Variants in ARHGAP24 observed in about 807,000 individuals in gnomAD.
The protein encoded by ARHGAP24 is rho GTPase-activating protein 24.
A neutral mutation model predicts 76.4 loss-of-function variants in ARHGAP24; 50 were observed. That is an observed-to-expected ratio of 0.65 (90% CI 0.52 to 0.83). The LOEUF is 0.83. Among genes scored for constraint, ARHGAP24 ranks in the 40% least tolerant of loss-of-function variants. ARHGAP24 has a pLI of 0.00. For missense variants in ARHGAP24, 930 were observed against 914.2 expected, an observed-to-expected ratio of 1.02 and a Z score of -0.22; for synonymous variants, 345 against 323.3, an observed-to-expected ratio of 1.07 and a Z score of -0.72.
intron 1 of ARHGAP24, among the ~76,000 whole-genome samples, chr4:85,516,990 T>C (rs1238652025): frequency 1.3e-5 from 2 of 152,210 alleles, no homozygotes; most frequent in South Asian, 4.1e-4. Context: ...TTTTTCCTAA[T>C]AGCTTTCCAG....
At chr4:85,693,589 G>A (rs1723753324) in intron 2 of ARHGAP24, among the ~76,000 whole-genome samples, 1 of 152,192 alleles carries the variant, frequency 6.6e-6, no homozygotes, top group South Asian at 2.1e-4. Context: ...TGTGCTGGGA[G>A]GTCCAAAGTG....
intron 2 of ARHGAP24, among the ~76,000 whole-genome samples, chr4:85,685,476 C>A (rs1345818108): frequency 6.6e-6 from 1 of 151,720 alleles, no homozygotes; most frequent in Non-Finnish European, 1.5e-5. Context: ...ACTAAAAATA[C>A]AAAAAAATTA....
intron 1 of ARHGAP24, among the ~76,000 whole-genome samples, chr4:85,492,028 A>T (rs542585458): frequency 6.8e-6 from 1 of 147,804 alleles, no homozygotes; most frequent in African/African-American, 2.5e-5. Flanking sequence ...GGTTCTTTTT[A>T]TTTCCTCTCT....
intron 3 of ARHGAP24, among the ~76,000 whole-genome samples, chr4:85,827,539 T>G (rs1396091372): frequency 7.1e-6 from 1 of 140,168 alleles, no homozygotes; most frequent in East Asian, 2.0e-4. Flanking sequence ...GAGAGATTAT[T>G]GCTTAAACAG....
At chr4:85,565,904 C>T (rs904767607) in intron 1 of ARHGAP24, among the ~76,000 whole-genome samples, 4 of 152,096 alleles carry the variant, frequency 2.6e-5, no homozygotes, top group African/African-American at 4.8e-5. Context: ...GCATGAATTT[C>T]GTCTCTGATT....
intron 2 of ARHGAP24, among the ~76,000 whole-genome samples, chr4:85,611,257 C>T (rs1019878196): frequency 6.6e-6 from 1 of 152,042 alleles, no homozygotes; most frequent in Non-Finnish European, 1.5e-5. Context: ...TATAAAAAAA[C>T]CTTTGCTTCC....
chr4:85,739,347 T>C (rs7685320), intron 3 of ARHGAP24, among the ~76,000 whole-genome samples: 20,778 of 152,224 alleles, frequency 0.14, 1,882 homozygotes, highest in East Asian at 0.36. Flanking sequence ...GCATCCTCTC[T>C]GTTTCTCACA....
rs189354102 is a variant in ARHGAP24 at position 85,860,347 on chromosome 4, A to G, written c.269-63301A>G. On this transcript the variant is annotated intron_variant, in intron 3 of 9. Transcript: ENST00000395184. ...AATACAATGAAGATGCCAAGAAGGA[A>G]CTGCAATTTACAGAGATGGTCTCTC... Among the ~76,000 whole-genome samples, 866 of 152,158 alleles carry G rather than the reference A, an allele frequency of 5.7e-3. 3 individuals carry two copies. The highest frequency in any genetic ancestry group is 9.2e-3 in the Admixed American group (140 of 15,260).
intron 2 of ARHGAP24, among the ~76,000 whole-genome samples, chr4:85,677,222 A>T (rs1411908082): frequency 6.6e-6 from 1 of 152,192 alleles, no homozygotes; most frequent in Non-Finnish European, 1.5e-5. Flanking sequence ...TCCTCACAAC[A>T]TCTTAATGAG....
intron 3 of ARHGAP24, among the ~76,000 whole-genome samples, chr4:85,865,405 C>T (rs1732138734): frequency 6.7e-6 from 1 of 149,426 alleles, no homozygotes; most frequent in Admixed American, 6.7e-5. Flanking sequence ...ATAATGCAGG[C>T]TACCATGCCA....
At chr4:85,487,851 TTTA>T (rs1723181953) in intron 1 of ARHGAP24, among the ~76,000 whole-genome samples, 2 of 123,560 alleles carry the variant, frequency 1.6e-5, no homozygotes, top group Non-Finnish European at 3.2e-5. Flanking sequence ...TAAATATATA[TTTA>T]TTATATATAT....
At chr4:85,678,554 G>C (rs1298510717) in intron 2 of ARHGAP24, among the ~76,000 whole-genome samples, 2 of 152,252 alleles carry the variant, frequency 1.3e-5, no homozygotes, top group East Asian at 3.9e-4. Flanking sequence ...AAATAATAAA[G>C]TCATTTGGAG....
intron 2 of ARHGAP24, among the ~76,000 whole-genome samples, chr4:85,661,719 C>T (rs920315815): frequency 1.3e-4 from 20 of 151,810 alleles, no homozygotes; most frequent in Admixed American, 3.9e-4. Context: ...TTCCTGTGTC[C>T]ATGTGTTCTC....
intron 3 of ARHGAP24, among the ~76,000 whole-genome samples, chr4:85,864,267 G>A (rs1290131364): frequency 6.6e-6 from 1 of 151,712 alleles, no homozygotes; most frequent in Non-Finnish European, 1.5e-5. Flanking sequence ...GACTCCCATG[G>A]CCTTGCTGTC....
intron 1 of ARHGAP24, among the ~76,000 whole-genome samples, chr4:85,547,911 A>G (rs963758151): frequency 6.6e-6 from 1 of 152,236 alleles, no homozygotes; most frequent in Non-Finnish European, 1.5e-5. Flanking sequence ...TTGTAATTCC[A>G]TTATTCCTTT....
Position 86,000,912 on chromosome 4 carries a change from A to G in ARHGAP24, c.*190A>G, listed in dbSNP as rs915637744. ...AAGTTATATCATGCCCCATAATGCTACTGTCAAGTGTTACAACTGGATATG... is the reference window on the plus strand; with the variant it reads ...AAGTTATATCATGCCCCATAATGCTGCTGTCAAGTGTTACAACTGGATATG... On this transcript the variant is annotated 3_prime_UTR_variant, in exon 10 of 10. Transcript: ENST00000395184. 59 of 807,212 alleles carry G rather than the reference A, an allele frequency of 7.3e-5. No individual in the cohort carries two copies. Among genetic ancestry groups the G allele is most frequent in the Non-Finnish European group, 1.1e-4 (56 of 521,726 alleles). The allele number at this position is 807,212 out of a possible 1,614,324, so 50.0% of individuals were successfully genotyped here. A position where few individuals can be genotyped will look rare whatever the true frequency, so the allele number is the denominator to read the frequency against.
At chr4:85,612,190 G>T (rs143337412) in intron 2 of ARHGAP24, among the ~76,000 whole-genome samples, 2 of 151,824 alleles carry the variant, frequency 1.3e-5, no homozygotes, top group African/African-American at 4.8e-5. Flanking sequence ...AGGCCGAGGC[G>T]GGTGGATCAC....
At chr4:85,819,669 A>C (rs1305837978) in intron 3 of ARHGAP24, among the ~76,000 whole-genome samples, 1 of 152,234 alleles carries the variant, frequency 6.6e-6, no homozygotes, top group East Asian at 1.9e-4. Context: ...CTGTAATCCC[A>C]GCACTTTGGG....
chr4:85,631,970 A>G (rs1428194921), intron 2 of ARHGAP24, among the ~76,000 whole-genome samples: 1 of 152,086 alleles, frequency 6.6e-6, no homozygotes, highest in Non-Finnish European at 1.5e-5. Context: ...TACATGTTAA[A>G]TAGTTCTGAG....
Sources: gnomAD v4.1 joint callset for allele counts (sites outside exome capture counted in the v4.1 genomes callset) on GRCh38, gnomAD v4.1.1 for gene constraint, MANE v1.5 for transcripts, NCBI Gene and HGNC (gene_info 2026-07-23, HGNC 2026-07-21) for gene names.